Variants in ZNF827 observed in about 807,000 individuals in gnomAD.
ZNF827 encodes zinc finger protein 827.
ZNF827 carries 13 observed loss-of-function variants against 102.4 expected under a neutral mutation model. That is an observed-to-expected ratio of 0.13 (90% CI 0.08 to 0.20). The LOEUF (loss-of-function observed/expected upper bound fraction) is 0.20. ZNF827 is among the 10% of genes least tolerant of loss of function. The pLI is 1.00. For missense variants in ZNF827, 1,103 were observed against 1,344.4 expected, an observed-to-expected ratio of 0.82 and a Z score of 2.81; for synonymous variants, 523 against 536.2, an observed-to-expected ratio of 0.98 and a Z score of 0.34.
intron 1 of ZNF827, among the ~76,000 whole-genome samples, chr4:145,928,939 C>T (rs1020783459): frequency 2.0e-5 from 3 of 152,180 alleles, no homozygotes; most frequent in Non-Finnish European, 4.4e-5. Flanking sequence ...CAGCCGCCAC[C>T]GACTACAGCA....
At chr4:145,903,343 C>T in intron 1 of ZNF827, 128 bp from the exon 2 acceptor site, 1 of 1,432,592 alleles carries the variant, frequency 7.0e-7, no homozygotes, top group Admixed American at 2.8e-5. Context: ...AAGGTGGCAA[C>T]AGCCTTAACA....
At chr4:145,858,933 G>A (rs1267787659) in intron 5 of ZNF827, among the ~76,000 whole-genome samples, 1 of 152,164 alleles carries the variant, frequency 6.6e-6, no homozygotes, top group Non-Finnish European at 1.5e-5. Flanking sequence ...TTCTTATGTG[G>A]TGCTACATAT....
chr4:145,914,492 C>T lies in ZNF827; in HGVS notation c.44-11277G>A, dbSNP rs148104127. On this transcript the variant is annotated intron_variant, in intron 1 of 14. Coordinates refer to ENST00000508784, the MANE Select transcript of ZNF827 (RefSeq NM_001306215.2). ...AACTTTAAACACTGATTTAGGCCAA[C>T]AGTTTTAACCTTTACTCCTACTAGG... is the stretch of plus-strand genomic sequence containing the variant. Among the ~76,000 whole-genome samples, 12 of 152,344 alleles carry T rather than the reference C, an allele frequency of 7.9e-5. No individual in the cohort carries two copies. The East Asian group carries it at 2.1e-3, about 27-fold the overall frequency.
intron 6 of ZNF827, 110 bp from the exon 7 acceptor site, chr4:145,846,123 T>C (rs577384392): frequency 8.3e-6 from 8 of 968,144 alleles, no homozygotes; most frequent in Non-Finnish European, 1.3e-5. Context: ...CCTTTGTGGT[T>C]TTCTTTTGAT....
intron 5 of ZNF827, among the ~76,000 whole-genome samples, chr4:145,850,089 A>C (rs1472535590): frequency 6.6e-6 from 1 of 151,610 alleles, no homozygotes; most frequent in Non-Finnish European, 1.5e-5. Context: ...GGCTCACTGC[A>C]ATCTCCACCT....
chr4:145,921,611 A>C (rs1753072783), intron 1 of ZNF827, among the ~76,000 whole-genome samples: 1 of 152,032 alleles, frequency 6.6e-6, no homozygotes, highest in African/African-American at 2.4e-5. Context: ...GAACCAACAA[A>C]ACTGGGTGGG....
At chr4:145,863,977 T>C (rs1316307801) in intron 5 of ZNF827, among the ~76,000 whole-genome samples, 2 of 152,038 alleles carry the variant, frequency 1.3e-5, no homozygotes, top group South Asian at 2.1e-4. Context: ...GCAGATTGTC[T>C]GAGCTCAGAT....
intron 1 of ZNF827, among the ~76,000 whole-genome samples, chr4:145,919,211 A>T (rs1752892080): frequency 6.6e-6 from 1 of 152,198 alleles, no homozygotes; most frequent in Non-Finnish European, 1.5e-5. Flanking sequence ...TGATCACACA[A>T]CTGCACTCCA....
intron 7 of ZNF827, among the ~76,000 whole-genome samples, chr4:145,843,910 C>T (rs1015037836): frequency 3.3e-5 from 5 of 152,226 alleles, no homozygotes; most frequent in South Asian, 2.1e-4. Flanking sequence ...TCTCTTTCCT[C>T]CGTCTTCTGC....
intron 3 of ZNF827, among the ~76,000 whole-genome samples, chr4:145,889,021 C>T (rs1311379109): frequency 1.3e-5 from 2 of 151,986 alleles, no homozygotes; most frequent in African/African-American, 4.8e-5. Flanking sequence ...AAGTAGAATC[C>T]CATTTTTCTT....
intron 1 of ZNF827, among the ~76,000 whole-genome samples, chr4:145,928,043 T>A (rs1316863010): frequency 6.6e-6 from 1 of 152,176 alleles, no homozygotes; most frequent in Non-Finnish European, 1.5e-5. Context: ...ATTCCTTCCA[T>A]CAGTCTCTCT....
intron 8 of ZNF827, among the ~76,000 whole-genome samples, chr4:145,814,180 C>G (rs1742335002): frequency 6.6e-6 from 1 of 152,174 alleles, no homozygotes; most frequent in Non-Finnish European, 1.5e-5. Flanking sequence ...ATCTATCTAT[C>G]TAGATATAAA....
At chr4:145,934,048 T>C (rs1297039639) in intron 1 of ZNF827, among the ~76,000 whole-genome samples, 1 of 152,166 alleles carries the variant, frequency 6.6e-6, no homozygotes, top group East Asian at 1.9e-4. Flanking sequence ...TTAAATATAG[T>C]ATTGGACCTT....
chr4:145,861,299 T>C (rs1747707154), intron 5 of ZNF827, among the ~76,000 whole-genome samples: 1 of 152,182 alleles, frequency 6.6e-6, no homozygotes, highest in Non-Finnish European at 1.5e-5. Flanking sequence ...CACAAGACTA[T>C]AACTGTATTA....
At chr4:145,879,258 A>AT (rs1749470373) in intron 4 of ZNF827, among the ~76,000 whole-genome samples, 1 of 152,212 alleles carries the variant, frequency 6.6e-6, no homozygotes. Flanking sequence ...TAGGTTTACT[A>AT]TTACAGACCC....
At chr4:145,780,962 C>T (rs962612974) in intron 8 of ZNF827, among the ~76,000 whole-genome samples, 5 of 152,120 alleles carry the variant, frequency 3.3e-5, no homozygotes, top group Middle Eastern at 3.4e-3. Context: ...TTCGGGAGGC[C>T]GAGGCAGGGG....
intron 1 of ZNF827, among the ~76,000 whole-genome samples, chr4:145,903,883 C>T (rs142043104): frequency 3.7e-4 from 56 of 152,308 alleles, no homozygotes; most frequent in African/African-American, 1.1e-3. Flanking sequence ...GCAAACACTA[C>T]TCACATTTCT....
In ZNF827 at chr4:145,836,344, G is replaced by T. The variant is rs1192408383; in HGVS notation, c.2279+9612C>A. On this transcript the variant is annotated intron_variant, in intron 7 of 14. Coordinates refer to ENST00000508784, the MANE Select transcript of ZNF827 (RefSeq NM_001306215.2). ...AGGACCACACCCTGTAGCCTTTCTG[G>T]CCAAACAACTTGACCTTACTGTTTT... Among the ~76,000 whole-genome samples, 12 of 151,650 alleles carry T rather than the reference G, an allele frequency of 7.9e-5. No individual in the cohort carries two copies. The East Asian group carries it at 1.4e-3, about 17-fold the overall frequency.
chr4:145,795,977 A>T (rs1043937788), intron 8 of ZNF827, among the ~76,000 whole-genome samples: 13 of 152,226 alleles, frequency 8.5e-5, no homozygotes, highest in African/African-American at 3.1e-4. Context: ...TAGTTAAACG[A>T]TCGTGTCTCT....
Sources: gnomAD v4.1 joint callset for allele counts (sites outside exome capture counted in the v4.1 genomes callset) on GRCh38, gnomAD v4.1.1 for gene constraint, MANE v1.5 for transcripts, NCBI Gene and HGNC (gene_info 2026-07-23, HGNC 2026-07-21) for gene names.